The following SORCS3 variants were observed in gnomAD, a reference collection of about 807,000 sequenced individuals.
SORCS3 encodes sortilin related VPS10 domain containing receptor 3.
A neutral mutation model predicts 146.3 loss-of-function variants in SORCS3; 57 were observed. The observed-to-expected ratio is 0.39, with a 90% CI of 0.31 to 0.49. The LOEUF is 0.49. Among genes scored for constraint, SORCS3 ranks in the 20% least tolerant of loss-of-function variants. The pLI is 0.92. For missense variants in SORCS3, 1,341 were observed against 1,575.5 expected (o/e 0.85, Z 2.52); for synonymous variants, 653 against 618.5 (o/e 1.06, Z -0.83).
chr10:104,772,564 T>C (rs2017264125), intron 1 of SORCS3, among the ~76,000 whole-genome samples: 1 of 152,214 alleles, frequency 6.6e-6, no homozygotes, highest in African/African-American at 2.4e-5. Context: ...GTTTTTCCTC[T>C]TGGATTCACT....
chr10:105,002,448 A>T (rs1413729580), intron 4 of SORCS3, among the ~76,000 whole-genome samples: 1 of 152,216 alleles, frequency 6.6e-6, no homozygotes, highest in African/African-American at 2.4e-5. Flanking sequence ...GTAACATGAA[A>T]TGCCTACCCT....
At chr10:104,924,514 T>C (rs1238043593) in intron 3 of SORCS3, among the ~76,000 whole-genome samples, 1 of 152,166 alleles carries the variant, frequency 6.6e-6, no homozygotes, top group African/African-American at 2.4e-5. Context: ...AGCTGGAATC[T>C]CATTTCAAAT....
chr10:105,150,050 C>G (rs2056157778), intron 9 of SORCS3, among the ~76,000 whole-genome samples: 1 of 151,962 alleles, frequency 6.6e-6, no homozygotes, highest in South Asian at 2.1e-4. Context: ...TTGATCGCAC[C>G]CCTGCTTTGT....
chr10:104,903,549 G>A (rs555061330), intron 2 of SORCS3, among the ~76,000 whole-genome samples: 97 of 152,264 alleles, frequency 6.4e-4, no homozygotes, highest in Admixed American at 1.5e-3. Context: ...TCGCGACTGG[G>A]CATAGATTTA....
chr10:104,842,878 C>A lies in SORCS3; in HGVS notation c.695+19C>A. 1 of 1,602,884 alleles carries A rather than the reference C, an allele frequency of 6.2e-7. No individual in the cohort carries two copies. Among genetic ancestry groups the A allele is most frequent in the Non-Finnish European group, 8.5e-7 (1 of 1,169,928 alleles). On this transcript the variant is annotated intron_variant, in intron 2 of 26. Coordinates refer to ENST00000369701, the MANE Select transcript of SORCS3 (RefSeq NM_014978.3). ...TATGGAGGTAAGCAGATTAGAGATTCTTAAGGAGCCACCCTGGCTTGGCTC... is the reference window on the plus strand; with the variant it reads ...TATGGAGGTAAGCAGATTAGAGATTATTAAGGAGCCACCCTGGCTTGGCTC...
chr10:105,249,904 C>A (rs543456358), intron 22 of SORCS3, among the ~76,000 whole-genome samples: 2 of 151,656 alleles, frequency 1.3e-5, no homozygotes, highest in East Asian at 3.9e-4. Flanking sequence ...AAAGAAAAAA[C>A]AAAGAAAAAA....
intron 9 of SORCS3, among the ~76,000 whole-genome samples, chr10:105,155,019 C>T (rs1564768967): frequency 6.6e-6 from 1 of 152,172 alleles, no homozygotes; most frequent in Non-Finnish European, 1.5e-5. Context: ...ATTGCTGCGG[C>T]ATTATGTACA....
chr10:105,074,881 A>G (rs968714284), intron 5 of SORCS3, among the ~76,000 whole-genome samples: 1 of 152,212 alleles, frequency 6.6e-6, no homozygotes, highest in Non-Finnish European at 1.5e-5. Context: ...TTCTGATTTT[A>G]TTCTCTTCAG....
At chr10:105,033,690 A>G (rs1030865464) in intron 4 of SORCS3, among the ~76,000 whole-genome samples, 1 of 152,194 alleles carries the variant, frequency 6.6e-6, no homozygotes, top group Non-Finnish European at 1.5e-5. Flanking sequence ...AGCTAGTTGG[A>G]CACTGTCATT....
intron 1 of SORCS3, among the ~76,000 whole-genome samples, chr10:104,696,725 AT>A (rs2016219397): frequency 1.0e-5 from 1 of 98,528 alleles, no homozygotes; most frequent in Non-Finnish European, 1.9e-5. Flanking sequence ...TATATAACAT[AT>A]ATAATATATA....
At chr10:104,900,138 C>G (rs2018835997) in intron 2 of SORCS3, among the ~76,000 whole-genome samples, 1 of 152,190 alleles carries the variant, frequency 6.6e-6, no homozygotes, top group Admixed American at 6.5e-5. Flanking sequence ...CAGACTTGGG[C>G]TCTGATTTTA....
At chr10:104,977,019 C>G (rs917089013) in intron 3 of SORCS3, among the ~76,000 whole-genome samples, 1 of 151,812 alleles carries the variant, frequency 6.6e-6, no homozygotes, top group Admixed American at 6.6e-5. Context: ...TGTAACTAAC[C>G]TGCACATTGT....
rs370104533 is a variant in SORCS3, at chr10:105,157,000, G to A, written c.1483-138G>A. On this transcript the variant is annotated intron_variant, in intron 9 of 26. Transcript: ENST00000369701. ...TTTCAGAGACCACATGGCATTCAAC[G>A]TTTCCTATCATGTTCCTTCTTTTCT... is the stretch of plus-strand genomic sequence containing the variant. The A allele has an allele frequency of 3.7e-4, 357 of 976,370 alleles. 4 individuals carry two copies. Among genetic ancestry groups the A allele is most frequent in the African/African-American group, 3.2e-3 (194 of 61,182 alleles). 60.5% of individuals were successfully genotyped at this position (976,370 alleles called of 1,614,324 possible).
intron 13 of SORCS3, among the ~76,000 whole-genome samples, chr10:105,177,097 T>C (rs2119556688): frequency 6.6e-6 from 1 of 152,110 alleles, no homozygotes; most frequent in African/African-American, 2.4e-5. Context: ...GAGTTTATAA[T>C]CTTGAGTTGA....
rs142148832 is a variant in SORCS3 at position 104,833,496 on chromosome 10, C to G, written c.628-9296C>G. Among the ~76,000 whole-genome samples the G allele has an allele frequency of 5.6e-3, 852 of 152,192 alleles. 15 individuals carry two copies. The highest frequency in any genetic ancestry group is 0.019 in the African/African-American group (791 of 41,518). Reference sequence around the variant, plus strand: ...GACACAGGGGTAACTGGGGAAGAGGCTCATTGATCTCAACAGAAGACACCA... The same window carrying G: ...GACACAGGGGTAACTGGGGAAGAGGGTCATTGATCTCAACAGAAGACACCA... On this transcript the variant is annotated intron_variant, in intron 1 of 26. Transcript: ENST00000369701.
chr10:105,218,257 A>G (rs1392501700), intron 19 of SORCS3, among the ~76,000 whole-genome samples: 1 of 152,186 alleles, frequency 6.6e-6, no homozygotes, highest in East Asian at 1.9e-4. Flanking sequence ...AAATGATTTC[A>G]TTTCTCAATC....
chr10:105,127,913 TA>T (rs2055987690), intron 7 of SORCS3, among the ~76,000 whole-genome samples: 1 of 152,140 alleles, frequency 6.6e-6, no homozygotes, highest in South Asian at 2.1e-4. Flanking sequence ...GTCCCTCAAA[TA>T]ACTTCTCCTA....
intron 1 of SORCS3, among the ~76,000 whole-genome samples, chr10:104,696,063 A>C (rs2016176802): frequency 1.0e-5 from 1 of 98,092 alleles, no homozygotes; most frequent in Admixed American, 1.3e-4. Context: ...TACACATATT[A>C]TATATAATAT....
At chr10:104,646,886 G>A (rs1229900775) in intron 1 of SORCS3, among the ~76,000 whole-genome samples, 1 of 152,040 alleles carries the variant, frequency 6.6e-6, no homozygotes. Flanking sequence ...TGGTGTTGTG[G>A]GTAACTGAGA....
Sources: gnomAD v4.1 joint callset for allele counts (sites outside exome capture counted in the v4.1 genomes callset) on GRCh38, gnomAD v4.1.1 for gene constraint, MANE v1.5 for transcripts, NCBI Gene and HGNC (gene_info 2026-07-23, HGNC 2026-07-21) for gene names.